The following SMARCAD1 variants were observed in gnomAD, a reference collection of about 807,000 sequenced individuals.
The protein encoded by SMARCAD1 is SWI/SNF-related matrix-associated actin-dependent regulator of chromatin subfamily A containing DEAD/H box 1.
In SMARCAD1, 25 loss-of-function variants were observed where a neutral mutation model predicts 127.1. The observed-to-expected ratio is 0.20, with a 90% CI of 0.14 to 0.27. SMARCAD1 has a LOEUF of 0.27. Among genes scored for constraint, SMARCAD1 ranks in the 10% least tolerant of loss-of-function variants. The pLI is 1.00. For synonymous variants in SMARCAD1, 400 were observed against 396.9 expected (o/e 1.01, Z -0.09); for missense variants, 807 against 1,206.0 (o/e 0.67, Z 4.90).
rs150247319 is a variant in SMARCAD1 at position 94,277,084 on chromosome 4, G to C, written c.2007G>C (p.Ser669=). Residue 669 remains serine, a synonymous_variant, in exon 16 of 24, where the codon TCG becomes TCC. Transcript: ENST00000354268. ...PVQNNLLELM[S]LLNFVMPHMF... is the part of the protein sequence containing the mutation. Reference sequence around the variant, plus strand: ...AGAACAATCTGTTAGAACTCATGTCGCTGTTGAATTTTGTTATGCCACACA... The same window carrying C: ...AGAACAATCTGTTAGAACTCATGTCCCTGTTGAATTTTGTTATGCCACACA... 1 of 1,614,008 alleles carries C rather than the reference G, an allele frequency of 6.2e-7. No individual in the cohort carries two copies. The highest frequency in any genetic ancestry group is 2.2e-5 in the East Asian group (1 of 44,856).
chr4:94,256,178 G>T (rs192255697), intron 9 of SMARCAD1, among the ~76,000 whole-genome samples: 33 of 152,174 alleles, frequency 2.2e-4, no homozygotes, highest in African/African-American at 7.5e-4. Flanking sequence ...TGACCAATGC[G>T]ACATGCATCA....
Position 94,290,372 on chromosome 4 carries a change from G to C in SMARCAD1, c.*838G>C. The C allele has an allele frequency of 2.2e-6, 1 of 454,408 alleles. No homozygotes were observed. The highest frequency in any genetic ancestry group is 4.4e-6 in the Non-Finnish European group (1 of 226,764). The allele number at this position is 454,408 out of a possible 1,614,324, so 28.1% of individuals were successfully genotyped here. On this transcript the variant is annotated 3_prime_UTR_variant, in exon 24 of 24. Coordinates refer to ENST00000354268, the MANE Select transcript of SMARCAD1 (RefSeq NM_020159.5). ...CAATTCTCTTCCTCTCTAAATAGTAGTTTATTACTGCCACATCTCCATGCA... is the reference window on the plus strand; with the variant it reads ...CAATTCTCTTCCTCTCTAAATAGTACTTTATTACTGCCACATCTCCATGCA...
At chr4:94,210,314 T>G (rs1741999393) in intron 2 of SMARCAD1, among the ~76,000 whole-genome samples, 1 of 152,228 alleles carries the variant, frequency 6.6e-6, no homozygotes, top group South Asian at 2.1e-4. Flanking sequence ...AATGGAGCAC[T>G]TTGCTTTAAT....
At chr4:94,212,481 ATATT>A (rs1485518231) in intron 2 of SMARCAD1, among the ~76,000 whole-genome samples, 4 of 149,990 alleles carry the variant, frequency 2.7e-5, no homozygotes, top group African/African-American at 9.8e-5. Context: ...AGCCCTATAC[ATATT>A]TATTTATTAT....
At chr4:94,253,125 A>G (rs1749529746) in intron 9 of SMARCAD1, 118 bp downstream of exon 9, 6 of 1,551,320 alleles carry the variant, frequency 3.9e-6, no homozygotes, top group Non-Finnish European at 5.3e-6. Context: ...TATCCTGTGT[A>G]AAGTCAAACA....
intron 2 of SMARCAD1, among the ~76,000 whole-genome samples, chr4:94,218,664 C>T (rs1374222845): frequency 2.6e-5 from 4 of 152,062 alleles, no homozygotes; most frequent in African/African-American, 9.7e-5. Context: ...GTATTAGAAA[C>T]TACTCTTTAA....
At chr4:94,228,044 A>G (rs907223249) in intron 3 of SMARCAD1, among the ~76,000 whole-genome samples, 20 of 152,278 alleles carry the variant, frequency 1.3e-4, no homozygotes, top group South Asian at 4.1e-4. Context: ...CTAGAAGTTA[A>G]GTGAAGATAA....
intron 6 of SMARCAD1, 135 bp downstream of exon 6, chr4:94,241,141 A>C (rs192227194): frequency 6.0e-6 from 4 of 662,508 alleles, no homozygotes; most frequent in Non-Finnish European, 1.1e-5. Context: ...ATTTACGTCT[A>C]CATTTAATTT....
intron 19 of SMARCAD1, among the ~76,000 whole-genome samples, chr4:94,279,538 T>TA (rs1187806557): frequency 6.6e-6 from 1 of 152,234 alleles, no homozygotes; most frequent in African/African-American, 2.4e-5. Context: ...ACTATGGCCT[T>TA]ACGGCAGTGA....
At chr4:94,236,216 A>G (rs1746627439) in intron 4 of SMARCAD1, among the ~76,000 whole-genome samples, 1 of 152,168 alleles carries the variant, frequency 6.6e-6, no homozygotes, top group Non-Finnish European at 1.5e-5. Context: ...TTGATTTAAT[A>G]CAAAAAGTAG....
intron 19 of SMARCAD1, among the ~76,000 whole-genome samples, chr4:94,280,328 C>T (rs1004749123): frequency 6.6e-6 from 1 of 152,126 alleles, no homozygotes; most frequent in African/African-American, 2.4e-5. Flanking sequence ...ATACCCCAGA[C>T]TTCTCCCCAG....
intron 21 of SMARCAD1, 104 bp from the exon 22 acceptor site, chr4:94,283,017 C>T: frequency 1.1e-6 from 1 of 905,192 alleles, no homozygotes; most frequent in South Asian, 1.5e-5. Flanking sequence ...AAGAGATGTA[C>T]ATACATCTTC....
intron 23 of SMARCAD1, among the ~76,000 whole-genome samples, chr4:94,287,680 T>G (rs1299032711): frequency 6.6e-6 from 1 of 152,180 alleles, no homozygotes; most frequent in East Asian, 1.9e-4. Context: ...AAAGCTAAAA[T>G]CAGAGAACCA....
intron 10 of SMARCAD1, among the ~76,000 whole-genome samples, chr4:94,268,175 A>G (rs527424911): frequency 2.6e-4 from 39 of 152,302 alleles, no homozygotes; most frequent in Middle Eastern, 3.4e-3. Context: ...AAACCATTTC[A>G]TGTCCTGATC....
intron 9 of SMARCAD1, among the ~76,000 whole-genome samples, chr4:94,260,656 C>G (rs1297930952): frequency 6.6e-6 from 1 of 152,144 alleles, no homozygotes; most frequent in Admixed American, 6.6e-5. Flanking sequence ...TATTTTAATA[C>G]TGTTATTGCT....
At chr4:94,233,906 T>C in intron 3 of SMARCAD1, 48 bp from the exon 4 acceptor site, 2 of 1,570,894 alleles carry the variant, frequency 1.3e-6, no homozygotes, top group Non-Finnish European at 1.7e-6. Flanking sequence ...TGAAATAACA[T>C]TAGTAATACA....
At chr4:94,226,558 A>G (rs1221688999) in intron 3 of SMARCAD1, among the ~76,000 whole-genome samples, 1 of 137,418 alleles carries the variant, frequency 7.3e-6, no homozygotes, top group Non-Finnish European at 1.6e-5. Context: ...GCAGATACTT[A>G]ATTTCCTTAT....
chr4:94,238,419 G>A (rs1747045546), intron 5 of SMARCAD1, among the ~76,000 whole-genome samples: 1 of 151,970 alleles, frequency 6.6e-6, no homozygotes, highest in African/African-American at 2.4e-5. Context: ...TATGGTGCCT[G>A]GTACATAGTG....
Position 94,249,684 on chromosome 4 carries a change from A to G in SMARCAD1, c.736A>G (p.Ser246Gly). 1 of 1,608,144 alleles carries G rather than the reference A, an allele frequency of 6.2e-7. No homozygotes were observed. Among genetic ancestry groups the G allele is most frequent in the Non-Finnish European group, 8.5e-7 (1 of 1,175,008 alleles). The change falls in exon 7 of 24, where the codon AGC becomes GGC. Residue 246 changes from serine to glycine, a missense_variant. Transcript: ENST00000354268. ...GEESNESAES[S>G]SNWEKQESIV... ...GGAATCAAATGAGTCTGCAGAATCT[A>G]GCAGTAATTGGGAAAAGCAGGAAAG...
Sources: allele counts gnomAD v4.1 joint callset (sites outside exome capture counted in the v4.1 genomes callset), GRCh38; gene constraint gnomAD v4.1.1; transcripts MANE v1.5; gene names NCBI Gene and HGNC (gene_info 2026-07-23, HGNC 2026-07-21).